Variants in STK33 observed in about 807,000 individuals in gnomAD.
STK33 encodes the protein serine/threonine kinase 33.
STK33 carries 52 observed loss-of-function variants against 58.0 expected under a neutral mutation model. The observed-to-expected ratio is 0.90, with a 90% confidence interval of 0.72 to 1.13. The LOEUF (loss-of-function observed/expected upper bound fraction) is 1.13. Ranked by LOEUF, STK33 falls within the 50% of genes most tolerant of loss-of-function variation. STK33 has a pLI of 0.00. For synonymous variants in STK33, 215 were observed against 200.1 expected, an observed-to-expected ratio of 1.07 and a Z score of -0.63; for missense variants, 630 against 604.2, an observed-to-expected ratio of 1.04 and a Z score of -0.45.
the STK33 span, among the ~76,000 whole-genome samples, chr11:8,383,025 G>A: frequency 1.3e-5 from 2 of 152,316 alleles, no homozygotes; most frequent in South Asian, 4.1e-4. Context: ...AGCCTGTCCT[G>A]GTAAACTCAA....
chr11:8,571,723 C>G (rs943096938), intron 1 of STK33, among the ~76,000 whole-genome samples: 2 of 151,680 alleles, frequency 1.3e-5, no homozygotes, highest in Non-Finnish European at 2.9e-5. Context: ...GTCCCAGCTA[C>G]TCAGCAGGCT....
intron 1 of STK33, among the ~76,000 whole-genome samples, chr11:8,578,369 T>C (rs189901622): frequency 3.9e-5 from 6 of 152,066 alleles, no homozygotes; most frequent in African/African-American, 1.4e-4. Flanking sequence ...TACCCTTCAA[T>C]AGGGAACTAT....
chr11:8,580,484 G>C (rs569409683), intron 1 of STK33, among the ~76,000 whole-genome samples: 4 of 152,070 alleles, frequency 2.6e-5, no homozygotes, highest in Non-Finnish European at 4.4e-5. Flanking sequence ...GGAGAATGGA[G>C]GGAGGGGGAA....
the STK33 span, among the ~76,000 whole-genome samples, chr11:8,370,349 C>T: frequency 7.2e-5 from 11 of 152,214 alleles, no homozygotes; most frequent in African/African-American, 2.6e-4. Flanking sequence ...AGAAGCATGC[C>T]ACCACCCCCA....
chr11:8,360,861 G>A, the STK33 span, among the ~76,000 whole-genome samples: 2 of 152,214 alleles, frequency 1.3e-5, no homozygotes, highest in Non-Finnish European at 2.9e-5. Flanking sequence ...CAGGGAACAT[G>A]CTCTGCTTTT....
chr11:8,426,230 G>A (rs1942729293), intron 14 of STK33, among the ~76,000 whole-genome samples: 1 of 152,216 alleles, frequency 6.6e-6, no homozygotes, highest in South Asian at 2.1e-4. Context: ...CCTGGAGTCA[G>A]GCAGCTCAGC....
chr11:8,539,905 G>C (rs1017012954), intron 1 of STK33, among the ~76,000 whole-genome samples: 3 of 152,088 alleles, frequency 2.0e-5, no homozygotes, highest in Admixed American at 2.0e-4. Context: ...GCCGCAAACT[G>C]AAAGAAAGAT....
chr11:8,482,626 C>T lies in STK33; in HGVS notation c.-465-2012G>A, dbSNP rs975388659. ...CATACAATTTTTAGAATGAGAGATA[C>T]CAGGGTTTGAATTCTACTCCTATCC... On this transcript the variant is annotated intron_variant, in intron 1 of 15. Coordinates refer to ENST00000687296, the MANE Select transcript of STK33 (RefSeq NM_001352389.2). Among the ~76,000 whole-genome samples, 25 of 152,108 alleles carry T rather than the reference C, an allele frequency of 1.6e-4. 1 individual carries two copies. Among genetic ancestry groups the T allele is most frequent in the African/African-American group, 5.8e-4 (24 of 41,402 alleles).
At chr11:8,427,662 T>C (rs1942937330) in intron 14 of STK33, among the ~76,000 whole-genome samples, 1 of 152,180 alleles carries the variant, frequency 6.6e-6, no homozygotes, top group South Asian at 2.1e-4. Flanking sequence ...CCTGCTCCCT[T>C]CTGTATAAAG....
chr11:8,518,686 G>A (rs1438193511), intron 1 of STK33, among the ~76,000 whole-genome samples: 3 of 152,214 alleles, frequency 2.0e-5, no homozygotes, highest in Non-Finnish European at 4.4e-5. Context: ...AGCAGGGGTT[G>A]CAATCCTAGT....
intron 1 of STK33, among the ~76,000 whole-genome samples, chr11:8,525,600 G>T (rs750994156): frequency 6.6e-6 from 1 of 152,002 alleles, no homozygotes; most frequent in Admixed American, 6.6e-5. Context: ...AATTTCAGGC[G>T]GATTATAAAT....
chr11:8,504,118 T>C (rs1275413980), intron 1 of STK33, among the ~76,000 whole-genome samples: 2 of 152,214 alleles, frequency 1.3e-5, no homozygotes, highest in Non-Finnish European at 2.9e-5. Flanking sequence ...CTCCATGTTT[T>C]ATCTCCTCTA....
At chr11:8,579,207 G>A (rs192322607) in intron 1 of STK33, among the ~76,000 whole-genome samples, 25 of 152,052 alleles carry the variant, frequency 1.6e-4, no homozygotes, top group Non-Finnish European at 1.9e-4. Flanking sequence ...GGGATTTTGT[G>A]AGCAATTAGG....
intron 1 of STK33, among the ~76,000 whole-genome samples, chr11:8,577,268 C>T (rs1173823168): frequency 6.6e-6 from 1 of 152,052 alleles, no homozygotes; most frequent in Non-Finnish European, 1.5e-5. Context: ...ATCATAGTGA[C>T]TTTAGACTGT....
chr11:8,546,064 G>C (rs1176878226), intron 1 of STK33, among the ~76,000 whole-genome samples: 1 of 152,164 alleles, frequency 6.6e-6, no homozygotes, highest in African/African-American at 2.4e-5. Flanking sequence ...AAAAGGTATA[G>C]TAAAAACACA....
At chr11:8,388,669 C>T (rs900372715), downstream of STK33, among the ~76,000 whole-genome samples, 3 of 152,182 alleles carry the variant, frequency 2.0e-5, no homozygotes, top group Non-Finnish European at 4.4e-5. Flanking sequence ...TCCACGGGGT[C>T]CCCTGGAAGC....
At chr11:8,372,975 G>A in the STK33 span, among the ~76,000 whole-genome samples, 2 of 152,186 alleles carry the variant, frequency 1.3e-5, no homozygotes, top group East Asian at 3.9e-4. Flanking sequence ...CCATGCAGCA[G>A]GGAGGGCTTC....
At chr11:8,359,245 A>G in the STK33 span, among the ~76,000 whole-genome samples, 2 of 152,204 alleles carry the variant, frequency 1.3e-5, no homozygotes, top group African/African-American at 4.8e-5. Flanking sequence ...AGTGGGGCAG[A>G]AGACTGACTG....
Position 8,396,634 on chromosome 11 carries a change from G to A in STK33, c.1345-3924C>T, listed in dbSNP as rs557550925. On this transcript the variant is annotated intron_variant, in intron 15 of 15. Transcript: ENST00000687296. ...GGGAGTGTTGGACAGTGGGTGCAGC[G>A]CACCGAACGTGAGCCGAAGCAGGGT... is the stretch of plus-strand genomic sequence containing the variant. 9.9e-5 allele frequency among the ~76,000 whole-genome samples: 15 copies of A among 152,264 alleles called. No homozygotes were observed. The South Asian group carries it at 1.9e-3, about 19-fold the overall frequency.
Sources: gnomAD v4.1 joint callset for allele counts (sites outside exome capture counted in the v4.1 genomes callset) on GRCh38, gnomAD v4.1.1 for gene constraint, MANE v1.5 for transcripts, NCBI Gene and HGNC (gene_info 2026-07-23, HGNC 2026-07-21) for gene names.